Variants in NCOA3 observed in about 807,000 individuals in gnomAD.
NCOA3 encodes nuclear receptor coactivator 3.
NCOA3 carries 51 observed loss-of-function variants against 158.8 expected under a neutral mutation model. That is an observed-to-expected ratio of 0.32 (90% CI 0.26 to 0.41). The LOEUF is 0.41. Ranked by LOEUF, NCOA3 falls within the 10% of genes least tolerant of loss-of-function variation. The pLI is 1.00. For missense variants in NCOA3, 1,510 were observed against 1,746.6 expected (o/e 0.86, Z 2.41); for synonymous variants, 537 against 592.4 (o/e 0.91, Z 1.36).
intron 1 of NCOA3, among the ~76,000 whole-genome samples, chr20:47,515,159 A>G (rs961052963): frequency 4.6e-5 from 7 of 151,636 alleles, no homozygotes; most frequent in Non-Finnish European, 1.0e-4. Context: ...ATATATATAT[A>G]TTTAAAAAAA....
In NCOA3 at chr20:47,501,928, TGCGGCTTAGTCGGTGGCGGCCGGCG is replaced by T. The variant is rs1295890193; in HGVS notation, c.-183_-159del. On this transcript the variant is annotated 5_prime_UTR_variant, in exon 1 of 23. Coordinates refer to ENST00000371998, the MANE Select transcript of NCOA3 (RefSeq NM_181659.3). Reference sequence around the variant, plus strand: ...GCCGCTCCACAGCGACGGCAGCGGCTGCGGCTTAGTCGGTGGCGGCCGGCGGCGGCTGCGGGCTGAGCGGCGAGTT... The same window carrying T: ...GCCGCTCCACAGCGACGGCAGCGGCTGCGGCTGCGGGCTGAGCGGCGAGTT... The T allele has an allele frequency of 2.0e-5, 8 of 400,480 alleles. No individual in the cohort carries two copies. The highest frequency in any genetic ancestry group is 2.6e-5 in the Non-Finnish European group (6 of 227,488). The allele number at this position is 400,480 out of a possible 1,614,324, so 24.8% of individuals were successfully genotyped here.
In NCOA3 at chr20:47,637,794, A is replaced by G; in HGVS notation, c.2512+11A>G. 1 of 1,576,954 alleles carries G rather than the reference A, an allele frequency of 6.3e-7. No homozygotes were observed. The highest frequency in any genetic ancestry group is 8.6e-7 in the Non-Finnish European group (1 of 1,168,712). On this transcript the variant is annotated intron_variant, in intron 13 of 22. Coordinates refer to ENST00000371998, the MANE Select transcript of NCOA3 (RefSeq NM_181659.3). ...GAACTAATTCTCTGGGTAAGAATGA[A>G]CTAGGTTTTTTTTTTTTTTGCTGCC...
chr20:47,512,517 G>A (rs2084161826), intron 1 of NCOA3, among the ~76,000 whole-genome samples: 3 of 147,628 alleles, frequency 2.0e-5, no homozygotes, highest in South Asian at 2.1e-4. Flanking sequence ...GCAGTGTGCC[G>A]ACATAGCGCC....
chr20:47,607,017 C>G (rs2085958671), intron 2 of NCOA3, among the ~76,000 whole-genome samples: 1 of 152,168 alleles, frequency 6.6e-6, no homozygotes. Context: ...TTTGAAAGAT[C>G]TACTTTAACT....
At chr20:47,518,996 C>T (rs2084280692) in intron 1 of NCOA3, among the ~76,000 whole-genome samples, 2 of 151,058 alleles carry the variant, frequency 1.3e-5, no homozygotes, top group African/African-American at 4.9e-5. Flanking sequence ...ATTAGGTGGG[C>T]GTGGTGACGG....
rs2086864052 is a variant in NCOA3, at chr20:47,655,874, AT to A, written c.*2459del. ...TTTATATAGTAGAAAAATGAAGTTT[AT>A]TATAAGTTTTTATATTTTCTACTTG... is the stretch of plus-strand genomic sequence containing the variant. On this transcript the variant is annotated 3_prime_UTR_variant, in exon 23 of 23. Transcript: ENST00000371998. 6.6e-6 allele frequency: 1 copy of A among 152,498 alleles called. No homozygotes were observed. The highest frequency in any genetic ancestry group is 1.5e-5 in the Non-Finnish European group (1 of 67,990). The allele number at this position is 152,498 out of a possible 1,614,324, so 9.4% of individuals were successfully genotyped here. A position where few individuals can be genotyped will look rare whatever the true frequency, so the allele number is the denominator to read the frequency against.
intron 1 of NCOA3, among the ~76,000 whole-genome samples, chr20:47,519,576 A>G (rs926025703): frequency 6.6e-6 from 1 of 152,166 alleles, no homozygotes; most frequent in African/African-American, 2.4e-5. Context: ...TCTGAAACCA[A>G]GGGAAATTAG....
At chr20:47,587,285 G>A (rs1177464742) in intron 2 of NCOA3, among the ~76,000 whole-genome samples, 1 of 152,198 alleles carries the variant, frequency 6.6e-6, no homozygotes, top group Non-Finnish European at 1.5e-5. Flanking sequence ...TGAAACTCCT[G>A]TAAGTGGGCC....
At chr20:47,640,949 T>G (rs1363334957) in intron 16 of NCOA3, among the ~76,000 whole-genome samples, 1 of 152,118 alleles carries the variant, frequency 6.6e-6, no homozygotes, top group African/African-American at 2.4e-5. Flanking sequence ...TTTACTTGCA[T>G]GCAAGAGGCC....
At position 47,634,111 on chromosome 20, in the gene NCOA3, T is replaced by G. The variant is rs1415930986; in HGVS notation, c.1028T>G (p.Val343Gly). Residue 343 changes from valine (V) to glycine (G), a missense_variant, in exon 10 of 23, where the codon GTG becomes GGG. Physicochemically the swap from Val to Gly is moderately radical, Grantham distance 109. This residue lies in a region of NCOA3 where 309 missense variants were observed against 427.1 expected (regional missense o/e 0.72). Transcript: ENST00000371998. ...TTCTCGTTGGCTGATGGAACTATAG[T>G]GACTGCACAGACAAAAAGCAAACTC... ...YRFSLADGTI[V>G]TAQTKSKLFR... 6.2e-7 allele frequency: 1 copy of G among 1,614,196 alleles called. No individual in the cohort carries two copies.
intron 2 of NCOA3, among the ~76,000 whole-genome samples, chr20:47,600,968 T>C (rs2085852106): frequency 6.6e-6 from 1 of 152,220 alleles, no homozygotes; most frequent in Non-Finnish European, 1.5e-5. Flanking sequence ...TTGATAATTG[T>C]ATTTTATTAT....
intron 1 of NCOA3, among the ~76,000 whole-genome samples, chr20:47,575,850 G>A (rs1025383127): frequency 6.6e-6 from 1 of 152,222 alleles, no homozygotes; most frequent in Admixed American, 6.5e-5. Context: ...TAGTAGAGCA[G>A]TTAATACAGC....
chr20:47,652,341 G>A (rs1404887620), intron 20 of NCOA3, 65 bp from the exon 21 acceptor site: 4 of 1,419,464 alleles, frequency 2.8e-6, no homozygotes, highest in Non-Finnish European at 3.9e-6. Context: ...AATTACTACA[G>A]AAATCTGATA....
chr20:47,556,109 AT>A (rs1229030686), intron 1 of NCOA3, among the ~76,000 whole-genome samples: 1 of 150,036 alleles, frequency 6.7e-6, no homozygotes, highest in Non-Finnish European at 1.5e-5. Flanking sequence ...TAATTTTCGT[AT>A]TTTTATTGGA....
intron 16 of NCOA3, among the ~76,000 whole-genome samples, chr20:47,640,355 G>C (rs892483917): frequency 6.6e-6 from 1 of 151,978 alleles, no homozygotes; most frequent in Non-Finnish European, 1.5e-5. Flanking sequence ...CATGAGGAGG[G>C]GAAAAAAGAT....
Position 47,635,769 on chromosome 20 carries a change from C to T in NCOA3, c.1504+56C>T, listed in dbSNP as rs1347017949. ...TTTCTTTTTAAGTAATTATTCTTTC[C>T]ATACTACTATAATTCTTGTAAAGTT... On this transcript the variant is annotated intron_variant, in intron 11 of 22. Transcript: ENST00000371998. The T allele has an allele frequency of 8.6e-6, 13 of 1,516,898 alleles. No homozygotes were observed. The East Asian group carries it at 2.7e-4, about 32-fold the overall frequency. 94.0% of individuals were successfully genotyped at this position (1,516,898 alleles called of 1,614,324 possible).
At chr20:47,551,502 G>A (rs568238767) in intron 1 of NCOA3, among the ~76,000 whole-genome samples, 45 of 152,236 alleles carry the variant, frequency 3.0e-4, no homozygotes, top group African/African-American at 1.0e-3. Flanking sequence ...TTTACATTTC[G>A]TGTTTTTATA....
chr20:47,639,203 G>A lies in NCOA3; in HGVS notation c.2707+1G>A, dbSNP rs772989102. On this transcript the variant is annotated splice_donor_variant, in intron 14 of 22. Coordinates refer to ENST00000371998, the MANE Select transcript of NCOA3 (RefSeq NM_181659.3). LOFTEE classifies it high-confidence loss of function. ...CAGGAAAATTATGGCTCAAGTATGGGTACGTTATTTCTAATTAGTATGTAT... is the reference window on the plus strand; with the variant it reads ...CAGGAAAATTATGGCTCAAGTATGGATACGTTATTTCTAATTAGTATGTAT... The A allele has an allele frequency of 1.9e-6, 3 of 1,606,034 alleles. No homozygotes were observed. The South Asian group carries it at 3.3e-5, about 18-fold the overall frequency.
chr20:47,515,896 A>G (rs2084226561), intron 1 of NCOA3, among the ~76,000 whole-genome samples: 1 of 152,240 alleles, frequency 6.6e-6, no homozygotes, highest in Non-Finnish European at 1.5e-5. Context: ...AGAGATGTGA[A>G]GAAAACTTTA....
Sources: allele counts gnomAD v4.1 joint callset (sites outside exome capture counted in the v4.1 genomes callset), GRCh38; gene constraint gnomAD v4.1.1; regional missense constraint gnomAD v4.1.1; transcripts MANE v1.5; gene names NCBI Gene and HGNC (gene_info 2026-07-23, HGNC 2026-07-21).